RALGAPA1: variants seen among roughly 807,000 people sequenced by gnomAD.
RALGAPA1 encodes the protein Ral GTPase activating protein catalytic subunit alpha 1.
RALGAPA1 carries 52 observed loss-of-function variants against 269.6 expected under a neutral mutation model. The observed-to-expected ratio is 0.19, with a 90% CI of 0.15 to 0.24. The LOEUF is 0.24. Ranked by LOEUF, RALGAPA1 falls within the 10% of genes least tolerant of loss-of-function variation. The probability of loss-of-function intolerance (pLI) is 1.00; values close to 1 mark genes in which losing one functional copy is unlikely to be tolerated. For synonymous variants in RALGAPA1, 817 were observed against 1,008.3 expected, an observed-to-expected ratio of 0.81 and a Z score of 3.60; for missense variants, 1,917 against 3,013.9, an observed-to-expected ratio of 0.64 and a Z score of 8.52.
chr14:35,627,002 GGAAAA>G, intron 34 of RALGAPA1, 83 bp downstream of exon 34: 1 of 1,306,284 alleles, frequency 7.7e-7, no homozygotes, highest in Non-Finnish European at 1.0e-6. Flanking sequence ...AATTTAGTGA[GGAAAA>G]GAACAGAAAA....
Position 35,763,451 on chromosome 14 carries a change from T to G in RALGAPA1, c.326-698A>C, listed in dbSNP as rs190582159. ...GTATTAATCATTTCAAAAAATATTT[T>G]TATATTATTACTACACATTTATAAA... is the stretch of plus-strand genomic sequence containing the variant. On this transcript the variant is annotated intron_variant, in intron 4 of 41. Coordinates refer to ENST00000680220, the MANE Select transcript of RALGAPA1 (RefSeq NM_001346249.2). 5.3e-5 allele frequency among the ~76,000 whole-genome samples: 8 copies of G among 152,248 alleles called. No homozygotes were observed. In the East Asian group the frequency reaches 1.5e-3, roughly 29 times the overall value.
chr14:35,757,119 ATT>A (rs201089890), intron 6 of RALGAPA1, among the ~76,000 whole-genome samples: 3 of 144,866 alleles, frequency 2.1e-5, no homozygotes, highest in East Asian at 2.0e-4. Flanking sequence ...TATTATTATT[ATT>A]TTTTTTTTTT....
rs1419473400 is a variant in RALGAPA1 at position 35,683,947 on chromosome 14, C to T, written c.4333G>A (p.Ala1445Thr). 5.6e-6 allele frequency: 9 copies of T among 1,613,186 alleles called. No individual in the cohort carries two copies. Among genetic ancestry groups the T allele is most frequent in the Non-Finnish European group, 7.6e-6 (9 of 1,179,594 alleles). ...FGTDTGVTSS[A>T]DVDSGSGHHQ... Reference sequence around the variant, plus strand: ...TGGCCAGAACCTGAATCCACATCAGCAGAGGACGTAACCCCAGTGTCGGTT... The same window carrying T: ...TGGCCAGAACCTGAATCCACATCAGTAGAGGACGTAACCCCAGTGTCGGTT... The change falls in exon 21 of 42, where the codon GCT becomes ACT. Residue 1445 changes from alanine to threonine, a missense_variant. Around this residue, in one of 11 missense-constraint regions of RALGAPA1, gnomAD observed 615 missense variants for 790.0 expected, o/e 0.78. Coordinates refer to ENST00000680220, the MANE Select transcript of RALGAPA1 (RefSeq NM_001346249.2).
chr14:35,757,051 C>T, intron 6 of RALGAPA1, 143 bp from the exon 7 acceptor site: 1 of 438,880 alleles, frequency 2.3e-6, no homozygotes, highest in Non-Finnish European at 3.6e-6. Flanking sequence ...TGAAATAAAT[C>T]TTAAGATCAT....
chr14:35,622,275 A>G (rs2060682594), intron 35 of RALGAPA1, among the ~76,000 whole-genome samples: 1 of 152,228 alleles, frequency 6.6e-6, no homozygotes, highest in Non-Finnish European at 1.5e-5. Context: ...TAGAAAACCA[A>G]ACACCACATG....
Position 35,651,871 on chromosome 14 carries a change from G to A in RALGAPA1, c.5610C>T (p.Ile1870=), listed in dbSNP as rs2062847195. ...AAAGATGGGTGATGGTAGCTATTAG[G>A]ATCTGTAAGCAAAAAAAAATTTTTT... The part of the protein sequence containing the change: ...QPDSPLKIIQ[I]LIATITHLLP... Residue 1870 remains isoleucine, a splice_region_variant and synonymous_variant, in exon 31 of 42, where the codon ATC becomes ATT. Transcript: ENST00000680220. 1.3e-6 allele frequency: 2 copies of A among 1,537,444 alleles called. No individual in the cohort carries two copies. The highest frequency in any genetic ancestry group is 1.7e-6 in the Non-Finnish European group (2 of 1,152,316).
At chr14:35,567,414 A>G (rs2056805652) in intron 39 of RALGAPA1, among the ~76,000 whole-genome samples, 1 of 152,246 alleles carries the variant, frequency 6.6e-6, no homozygotes, top group African/African-American at 2.4e-5. Context: ...ACTTATTATT[A>G]TATCTACTAA....
intron 35 of RALGAPA1, among the ~76,000 whole-genome samples, chr14:35,607,987 T>C (rs1464419967): frequency 6.6e-6 from 1 of 152,154 alleles, no homozygotes; most frequent in Non-Finnish European, 1.5e-5. Flanking sequence ...CAGAGACTTA[T>C]CAAAACAAGG....
intron 4 of RALGAPA1, among the ~76,000 whole-genome samples, chr14:35,764,467 T>C (rs2073981493): frequency 6.6e-6 from 1 of 152,178 alleles, no homozygotes; most frequent in Non-Finnish European, 1.5e-5. Context: ...AAATACATTA[T>C]CCCAAACAAT....
chr14:35,548,212 C>CT (rs2054628862), intron 41 of RALGAPA1, among the ~76,000 whole-genome samples: 1 of 151,938 alleles, frequency 6.6e-6, no homozygotes, highest in Non-Finnish European at 1.5e-5. Flanking sequence ...AATAGTACTA[C>CT]TTTTTCATGC....
Position 35,685,114 on chromosome 14 carries a change from C to G in RALGAPA1, c.4109G>C (p.Ser1370Thr). 1 of 1,566,962 alleles carries G rather than the reference C, an allele frequency of 6.4e-7. No individual in the cohort carries two copies. The highest frequency in any genetic ancestry group is 8.7e-7 in the Non-Finnish European group (1 of 1,155,010). ...TMTRRGSSPG[S>T]LEIPKDLPDI... ...AGGGAGGTCTTTGGGAATTTCCAGG[C>G]TGCCTGGACTACTTCCTCTTCTTGT... is the stretch of plus-strand genomic sequence containing the variant. The change falls in exon 20 of 42, where the codon AGC becomes ACC. Residue 1370 changes from serine to threonine, a missense_variant. Transcript: ENST00000680220.
chr14:35,573,335 C>A (rs987966595), intron 37 of RALGAPA1, among the ~76,000 whole-genome samples: 10 of 152,200 alleles, frequency 6.6e-5, no homozygotes, highest in Middle Eastern at 3.4e-3. Flanking sequence ...ACTTAATGCC[C>A]TTTAGTCTTA....
At chr14:35,665,077 T>C (rs185567312) in intron 26 of RALGAPA1, among the ~76,000 whole-genome samples, 1 of 152,282 alleles carries the variant, frequency 6.6e-6, no homozygotes, top group Admixed American at 6.5e-5. Flanking sequence ...ATATAAATAA[T>C]TTTAAAGGTA....
At chr14:35,766,356 A>T in intron 4 of RALGAPA1, 4 of 1,347,030 alleles carry the variant, frequency 3.0e-6, no homozygotes, top group Non-Finnish European at 4.2e-6. Flanking sequence ...GACAAATGTG[A>T]GCAAACTATG....
intron 33 of RALGAPA1, among the ~76,000 whole-genome samples, chr14:35,633,649 A>T (rs543189679): frequency 6.6e-6 from 1 of 152,312 alleles, no homozygotes; most frequent in African/African-American, 2.4e-5. Flanking sequence ...TTATAAAAAC[A>T]GGCGGTAGCA....
rs566048954 is a variant in RALGAPA1 at position 35,636,907 on chromosome 14, G to A, written c.5677-1309C>T. Among the ~76,000 whole-genome samples the A allele has an allele frequency of 2.0e-5, 3 of 152,252 alleles. No homozygotes were observed. The East Asian group carries it at 5.8e-4, about 29-fold the overall frequency. On this transcript the variant is annotated intron_variant, in intron 31 of 41. Coordinates refer to ENST00000680220, the MANE Select transcript of RALGAPA1 (RefSeq NM_001346249.2). Reference sequence around the variant, plus strand: ...ACTGCAGGTTTTCATGAAAAGCAAGGGTAGTTTGGGAAAAACTGTGAAAGA... The same window carrying A: ...ACTGCAGGTTTTCATGAAAAGCAAGAGTAGTTTGGGAAAAACTGTGAAAGA...
chr14:35,759,490 T>C (rs1288269874), intron 6 of RALGAPA1, among the ~76,000 whole-genome samples: 6 of 151,950 alleles, frequency 3.9e-5, no homozygotes, highest in African/African-American at 1.5e-4. Context: ...GGCTGACTAA[T>C]GTAGCACTGT....
chr14:35,677,368 C>T (rs1217704120), intron 22 of RALGAPA1: 1 of 153,112 alleles, frequency 6.5e-6, no homozygotes. Context: ...GCATATTTGT[C>T]TGATGTTTGT....
chr14:35,685,148 A>G lies in RALGAPA1; in HGVS notation c.4078-3T>C. 6.4e-7 allele frequency: 1 copy of G among 1,555,742 alleles called. No individual in the cohort carries two copies. Among genetic ancestry groups the G allele is most frequent in the Non-Finnish European group, 8.7e-7 (1 of 1,149,568 alleles). On this transcript the variant is annotated splice_region_variant and splice_polypyrimidine_tract_variant and intron_variant, in intron 19 of 41. Coordinates refer to ENST00000680220, the MANE Select transcript of RALGAPA1 (RefSeq NM_001346249.2). ...CTACTTCCTCTTCTTGTCATAGTCTAAACGTTCAAGAAATATTTTACCATT... is the reference window on the plus strand; with the variant it reads ...CTACTTCCTCTTCTTGTCATAGTCTGAACGTTCAAGAAATATTTTACCATT...
Sources: allele counts gnomAD v4.1 joint callset (sites outside exome capture counted in the v4.1 genomes callset), GRCh38; gene constraint gnomAD v4.1.1; regional missense constraint gnomAD v4.1.1; transcripts MANE v1.5; gene names NCBI Gene and HGNC (gene_info 2026-07-23, HGNC 2026-07-21).